Variants in NALF1 observed in about 807,000 individuals in gnomAD.
NALF1 encodes the protein NALCN channel auxiliary factor 1.
In NALF1, 3 loss-of-function variants were observed where a neutral mutation model predicts 48.4. The ratio of observed to expected loss-of-function variants is 0.06; its 90% CI spans 0.03 to 0.16. NALF1 has a LOEUF of 0.16. NALF1 is among the 10% of genes least tolerant of loss of function. The pLI is 1.00. For synonymous variants in NALF1, 262 were observed against 245.7 expected (o/e 1.07, Z -0.62); for missense variants, 526 against 571.5 (o/e 0.92, Z 0.81).
chr13:107,234,303 T>C (rs1224849216), intron 1 of NALF1, among the ~76,000 whole-genome samples: 1 of 152,208 alleles, frequency 6.6e-6, no homozygotes, highest in Non-Finnish European at 1.5e-5. Context: ...TGAGCCCCTC[T>C]TTCACCAGGG....
intron 1 of NALF1, among the ~76,000 whole-genome samples, chr13:107,338,779 T>G (rs1000209870): frequency 1.3e-5 from 2 of 152,176 alleles, no homozygotes; most frequent in African/African-American, 4.8e-5. Context: ...CTATGTAATG[T>G]TGGACCTGTT....
At chr13:107,411,929 C>T (rs538652726) in intron 1 of NALF1, among the ~76,000 whole-genome samples, 2 of 152,238 alleles carry the variant, frequency 1.3e-5, no homozygotes, top group East Asian at 3.9e-4. Context: ...TGGGAGGTGG[C>T]AGCAAGGTGT....
chr13:107,514,178 T>C (rs752378587), intron 1 of NALF1, among the ~76,000 whole-genome samples: 2 of 152,374 alleles, frequency 1.3e-5, no homozygotes, highest in Middle Eastern at 3.4e-3. Context: ...TCTCTGGTTG[T>C]TTCCCATGTA....
intron 1 of NALF1, among the ~76,000 whole-genome samples, chr13:107,849,406 C>T (rs773805674): frequency 1.3e-5 from 2 of 152,120 alleles, no homozygotes; most frequent in East Asian, 1.9e-4. Flanking sequence ...AGATTTGAAG[C>T]GGTCAGTGTG....
intron 1 of NALF1, among the ~76,000 whole-genome samples, chr13:107,755,493 A>G (rs747846925): frequency 6.6e-6 from 1 of 151,542 alleles, no homozygotes; most frequent in Non-Finnish European, 1.5e-5. Context: ...GAGTCCATCT[A>G]AAAGTAATCA....
intron 1 of NALF1, among the ~76,000 whole-genome samples, chr13:107,626,815 T>C (rs1362641528): frequency 6.6e-6 from 1 of 151,916 alleles, no homozygotes; most frequent in East Asian, 1.9e-4. Context: ...AGGGCCAAAA[T>C]GACATAAATG....
chr13:107,867,160 T>G lies in NALF1; in HGVS notation c.-564A>C, dbSNP rs2138656106. Among the ~76,000 whole-genome samples, 1 of 150,188 alleles carries G rather than the reference T, an allele frequency of 6.7e-6. No homozygotes were observed. The highest frequency in any genetic ancestry group is 2.4e-5 in the African/African-American group (1 of 41,096). ...TCCTCCTCCTCTTCTTCTCCTCCTC[T>G]TCCTCCTCCTTCCTTTCCTTCTCCT... is the stretch of plus-strand genomic sequence containing the variant. On this transcript the variant is annotated 5_prime_UTR_variant, in exon 1 of 3. Coordinates refer to ENST00000375915, the MANE Select transcript of NALF1 (RefSeq NM_001080396.3). The surrounding 1 kb of genome is among the most constrained non-coding windows in gnomAD (Gnocchi z 4.4).
chr13:107,500,740 G>T (rs1375404830), intron 1 of NALF1, among the ~76,000 whole-genome samples: 4 of 151,364 alleles, frequency 2.6e-5, no homozygotes, highest in Non-Finnish European at 5.9e-5. Flanking sequence ...TTAAGAAAAT[G>T]TGGCACATAT....
At chr13:107,387,172 G>A (rs567281273) in intron 1 of NALF1, among the ~76,000 whole-genome samples, 3 of 152,076 alleles carry the variant, frequency 2.0e-5, no homozygotes, top group South Asian at 2.1e-4. Flanking sequence ...TAGAAATTTC[G>A]ACGGTCCTAA....
At chr13:107,579,387 G>A (rs771870693) in intron 1 of NALF1, among the ~76,000 whole-genome samples, 12 of 152,174 alleles carry the variant, frequency 7.9e-5, no homozygotes, top group Non-Finnish European at 1.3e-4. Context: ...CACTGCACTT[G>A]GCCATAATAT....
intron 2 of NALF1, among the ~76,000 whole-genome samples, chr13:107,180,626 C>CAT (rs1051355486): frequency 3.3e-5 from 5 of 151,814 alleles, no homozygotes; most frequent in South Asian, 4.2e-4. Context: ...TGTGAAGATG[C>CAT]ATATATATAC....
Position 107,862,721 on chromosome 13 carries a change from T to C in NALF1, c.915+2961A>G, listed in dbSNP as rs1880607217. ...CTATAAGTTTGAGACACTATAATTTTATTAGGTCTATTCTAAGGGGTTTCT... is the reference window on the plus strand; with the variant it reads ...CTATAAGTTTGAGACACTATAATTTCATTAGGTCTATTCTAAGGGGTTTCT... On this transcript the variant is annotated intron_variant, in intron 1 of 2. Transcript: ENST00000375915. 3.3e-5 allele frequency among the ~76,000 whole-genome samples: 5 copies of C among 151,960 alleles called. No homozygotes were observed. In the South Asian group the frequency reaches 1.0e-3, roughly 31 times the overall value.
chr13:107,528,110 C>A (rs565015383), intron 1 of NALF1, among the ~76,000 whole-genome samples: 1 of 152,028 alleles, frequency 6.6e-6, no homozygotes, highest in African/African-American at 2.4e-5. Context: ...CTTAAATAGT[C>A]AATTATTTGG....
intron 1 of NALF1, among the ~76,000 whole-genome samples, chr13:107,770,970 C>A (rs569023641): frequency 1.3e-5 from 2 of 152,178 alleles, no homozygotes; most frequent in South Asian, 4.2e-4. Context: ...CTTTTTCCTT[C>A]CTAGGAATGA....
intron 1 of NALF1, among the ~76,000 whole-genome samples, chr13:107,783,196 G>T (rs1877966014): frequency 3.8e-5 from 5 of 130,858 alleles, no homozygotes; most frequent in South Asian, 2.6e-4. Flanking sequence ...GAGGTGGGGG[G>T]TCAGTCCCCC....
At chr13:107,470,647 A>G (rs1404514533) in intron 1 of NALF1, among the ~76,000 whole-genome samples, 3 of 152,182 alleles carry the variant, frequency 2.0e-5, no homozygotes, top group Non-Finnish European at 4.4e-5. Context: ...GGAAAAACCA[A>G]AGTGTCCCTT....
intron 1 of NALF1, among the ~76,000 whole-genome samples, chr13:107,571,652 G>A (rs1877990479): frequency 6.6e-6 from 1 of 152,206 alleles, no homozygotes; most frequent in Non-Finnish European, 1.5e-5. Flanking sequence ...AGGGGTTCAT[G>A]CTAGTCAGAA....
At chr13:107,403,200 T>TTTTTTTTTTC (rs1883840742) in intron 1 of NALF1, among the ~76,000 whole-genome samples, 1 of 139,616 alleles carries the variant, frequency 7.2e-6, no homozygotes, top group African/African-American at 2.7e-5. Flanking sequence ...TTTTTTTTTT[T>TTTTTTTTTTC]TTTTTTTTTT....
At chr13:107,549,235 A>T (rs1877221552) in intron 1 of NALF1, among the ~76,000 whole-genome samples, 1 of 152,156 alleles carries the variant, frequency 6.6e-6, no homozygotes. Context: ...TACATTTATC[A>T]ATTGAGGGTG....
Sources: gnomAD v4.1 joint callset for allele counts (sites outside exome capture counted in the v4.1 genomes callset) on GRCh38, gnomAD v4.1.1 for gene constraint, Gnocchi (gnomAD v3.1) non-coding constraint, MANE v1.5 for transcripts, NCBI Gene and HGNC (gene_info 2026-07-23, HGNC 2026-07-21) for gene names.